Variants in ADORA2B observed in about 807,000 individuals in gnomAD.
ADORA2B encodes the protein adenosine A2b receptor.
A neutral mutation model predicts 20.8 loss-of-function variants in ADORA2B; 18 were observed. The ratio of observed to expected loss-of-function variants is 0.87; its 90% CI spans 0.60 to 1.29. The LOEUF is 1.29. Ranked by LOEUF, ADORA2B falls within the 50% of genes most tolerant of loss-of-function variation. The probability of loss-of-function intolerance (pLI) is 0.00; values close to 1 mark genes in which losing one functional copy is unlikely to be tolerated. For synonymous variants in ADORA2B, 179 were observed against 178.3 expected (o/e 1.00, Z -0.03); for missense variants, 441 against 422.7 (o/e 1.04, Z -0.38).
At chr17:15,879,888 C>T in the ADORA2B span, among the ~76,000 whole-genome samples, 2 of 144,630 alleles carry the variant, frequency 1.4e-5, no homozygotes, top group Non-Finnish European at 3.0e-5. Context: ...GTCTGACAAA[C>T]GAAAACTTGA....
At chr17:15,866,899 C>CGAG in the ADORA2B span, among the ~76,000 whole-genome samples, 1 of 152,288 alleles carries the variant, frequency 6.6e-6, no homozygotes, top group African/African-American at 2.4e-5. Flanking sequence ...ATTCTCCTGC[C>CGAG]TCAGCCTGCC....
chr17:15,856,828 A>G, the ADORA2B span, among the ~76,000 whole-genome samples: 1 of 152,250 alleles, frequency 6.6e-6, no homozygotes, highest in African/African-American at 2.4e-5. Context: ...CAGAGCATAA[A>G]AGTTTGGAAT....
At chr17:15,867,506 CGGCGGCCA>C in the ADORA2B span, among the ~76,000 whole-genome samples, 1 of 149,004 alleles carries the variant, frequency 6.7e-6, no homozygotes, top group Non-Finnish European at 1.5e-5. Context: ...CCCCTCTGCC[CGGCGGCCA>C]CTCTGTCTGG....
chr17:15,897,911 A>T, the ADORA2B span, among the ~76,000 whole-genome samples: 1 of 152,166 alleles, frequency 6.6e-6, no homozygotes, highest in African/African-American at 2.4e-5. Context: ...GTTTTCTAGA[A>T]AAATATATAT....
intron 1 of ADORA2B, chr17:15,974,470 T>C (rs981393858): frequency 7.6e-6 from 4 of 524,780 alleles, no homozygotes; most frequent in Non-Finnish European, 1.3e-5. Context: ...AGTTGCTAAG[T>C]CAAGAATGAA....
chr17:15,945,672 G>A (rs1017829077), intron 1 of ADORA2B, 89 bp downstream of exon 1: 9 of 1,300,424 alleles, frequency 6.9e-6, no homozygotes, highest in African/African-American at 4.5e-5. Context: ...TCCCTCGGGG[G>A]CCCCAGACGG....
intron 1 of ADORA2B, among the ~76,000 whole-genome samples, chr17:15,970,095 G>A (rs193271909): frequency 4.6e-5 from 7 of 152,292 alleles, no homozygotes; most frequent in South Asian, 4.1e-4. Context: ...TTGGTATAGC[G>A]GAACCCGTCG....
the ADORA2B span, among the ~76,000 whole-genome samples, chr17:15,926,856 A>C: frequency 6.6e-6 from 1 of 152,162 alleles, no homozygotes; most frequent in Non-Finnish European, 1.5e-5. Context: ...CTGTGGTCTC[A>C]GCTACTCAGG....
chr17:15,936,417 C>G, the ADORA2B span, among the ~76,000 whole-genome samples: 1 of 152,084 alleles, frequency 6.6e-6, no homozygotes, highest in Non-Finnish European at 1.5e-5. Flanking sequence ...CTCCTGGGTT[C>G]AGGCACTTCT....
chr17:15,951,575 G>T (rs934721377), intron 1 of ADORA2B, among the ~76,000 whole-genome samples: 4 of 152,256 alleles, frequency 2.6e-5, no homozygotes, highest in African/African-American at 7.2e-5. Context: ...TAAGGGGCTG[G>T]TTCCTGGCAT....
chr17:15,942,073 C>T (rs1969750133), upstream of ADORA2B, among the ~76,000 whole-genome samples: 1 of 152,146 alleles, frequency 6.6e-6, no homozygotes, highest in Admixed American at 6.5e-5. Context: ...GACTGCAACA[C>T]AGACGGGAAC....
At chr17:15,900,535 C>G in the ADORA2B span, among the ~76,000 whole-genome samples, 2 of 152,070 alleles carry the variant, frequency 1.3e-5, no homozygotes, top group African/African-American at 4.8e-5. Context: ...CAGCTTTGAA[C>G]TCCCAGGCTA....
At chr17:15,888,841 TATATATA>T in the ADORA2B span, among the ~76,000 whole-genome samples, 23 of 22,030 alleles carry the variant, frequency 1.0e-3, no homozygotes, top group African/African-American at 5.7e-3. Flanking sequence ...TATATATATA[TATATATA>T]TATTTTTTTT....
the ADORA2B span, among the ~76,000 whole-genome samples, chr17:15,852,717 G>A: frequency 2.6e-5 from 4 of 152,160 alleles, no homozygotes; most frequent in East Asian, 7.7e-4. Context: ...AAAATAAAAT[G>A]CCTAAATTTA....
At chr17:15,956,590 CTTTTTTTTTTTTTTT>C (rs11290214) in intron 1 of ADORA2B, among the ~76,000 whole-genome samples, 3 of 51,442 alleles carry the variant, frequency 5.8e-5, no homozygotes, top group East Asian at 1.3e-3. Flanking sequence ...TTATGTGTGT[CTTTTTTTTTTTTTTT>C]TTTTTTTTTG....
the ADORA2B span, among the ~76,000 whole-genome samples, chr17:15,870,290 A>G: frequency 2.1e-5 from 3 of 145,480 alleles, no homozygotes; most frequent in African/African-American, 5.2e-5. Context: ...TTTTGCACCA[A>G]CCTAATACAC....
chr17:15,874,072 A>ATG, the ADORA2B span, among the ~76,000 whole-genome samples: 8 of 132,824 alleles, frequency 6.0e-5, no homozygotes, highest in African/African-American at 2.6e-4. Context: ...GTGTGTGTAT[A>ATG]TATATATATG....
the ADORA2B span, among the ~76,000 whole-genome samples, chr17:15,890,838 C>T: frequency 5.9e-5 from 9 of 152,160 alleles, no homozygotes; most frequent in African/African-American, 1.9e-4. Flanking sequence ...AAGGAGGATG[C>T]TATGAAGAGA....
chr17:15,913,917 C>T, the ADORA2B span, among the ~76,000 whole-genome samples: 9 of 152,192 alleles, frequency 5.9e-5, 1 homozygote, highest in Admixed American at 5.9e-4. Context: ...CCTCAGAAGG[C>T]CTGGCCACTG....
Sources: gnomAD v4.1 joint callset for allele counts (sites outside exome capture counted in the v4.1 genomes callset) on GRCh38, gnomAD v4.1.1 for gene constraint, MANE v1.5 for transcripts, NCBI Gene and HGNC (gene_info 2026-07-23, HGNC 2026-07-21) for gene names.